COBLL1: variants seen among roughly 807,000 people sequenced by gnomAD.
COBLL1 encodes the protein cordon-bleu WH2 repeat protein like 1, also known as cordon-bleu protein-like 1.
COBLL1 carries 50 observed loss-of-function variants against 94.8 expected under a neutral mutation model. The ratio of observed to expected loss-of-function variants is 0.53; its 90% CI spans 0.42 to 0.67. The LOEUF is 0.67. Ranked by LOEUF, COBLL1 falls within the 30% of genes least tolerant of loss-of-function variation. The pLI, the probability that COBLL1 is intolerant of heterozygous loss-of-function variation, is 0.00. For synonymous variants in COBLL1, 448 were observed against 473.8 expected, an observed-to-expected ratio of 0.95 and a Z score of 0.71; for missense variants, 1,362 against 1,348.7, an observed-to-expected ratio of 1.01 and a Z score of -0.15.
chr2:164,796,705 C>CAAAAA (rs34412964), intron 2 of COBLL1, among the ~76,000 whole-genome samples: 8 of 86,670 alleles, frequency 9.2e-5, no homozygotes, highest in African/African-American at 2.9e-4. Flanking sequence ...GCTGGCCTTC[C>CAAAAA]AAAAAAAAAA....
chr2:164,754,864 C>T (rs1040196582), intron 2 of COBLL1, among the ~76,000 whole-genome samples: 1 of 152,140 alleles, frequency 6.6e-6, no homozygotes. Context: ...TGAAGTAGAG[C>T]AAATCCAAAG....
chr2:164,696,143 A>C, intron 11 of COBLL1: 1 of 225,714 alleles, frequency 4.4e-6, no homozygotes. Context: ...TATCATTTAG[A>C]TAGCATGCTC....
intron 2 of COBLL1, among the ~76,000 whole-genome samples, chr2:164,832,915 TG>T (rs1367483327): frequency 6.6e-6 from 1 of 152,048 alleles, no homozygotes; most frequent in Non-Finnish European, 1.5e-5. Flanking sequence ...TGGTGGCGCA[TG>T]CCTGTAATCC....
chr2:164,823,052 T>G (rs1425387631), intron 2 of COBLL1, among the ~76,000 whole-genome samples: 1 of 152,048 alleles, frequency 6.6e-6, no homozygotes, highest in African/African-American at 2.4e-5. Context: ...AAAAAAAAAG[T>G]ATTTGAAATT....
chr2:164,697,163 GCA>G (rs941645672), intron 11 of COBLL1: 13 of 152,062 alleles, frequency 8.5e-5, no homozygotes, highest in Non-Finnish European at 1.8e-4. Flanking sequence ...CTGCCTGATT[GCA>G]CAGTTATTTG....
In COBLL1 at chr2:164,695,101, A is replaced by G. The variant is rs374902324; in HGVS notation, c.2291T>C (p.Leu764Ser). 1.3e-5 allele frequency: 21 copies of G among 1,613,684 alleles called. No individual in the cohort carries two copies. The highest frequency in any genetic ancestry group is 1.6e-4 in the Middle Eastern group (1 of 6,080). The change falls in exon 12 of 14, where the codon TTA (leucine) becomes TCA (serine). Residue 764 changes from leucine to serine, a missense_variant. Transcript: ENST00000652658. ...EYKDDQDMHA[L>S]GKKHTHENVK... ...ATTCTCATGAGTGTGCTTTTTCCCT[A>G]AAGCATGCATGTCCTGATCATCTTT... is the stretch of plus-strand genomic sequence containing the variant.
At chr2:164,727,245 A>C in intron 5 of COBLL1, 1 of 551,724 alleles carries the variant, frequency 1.8e-6, no homozygotes, top group Admixed American at 3.4e-5. Flanking sequence ...TATGGATTAC[A>C]TAAAGCCACC....
chr2:164,820,490 G>A (rs1255700302), intron 2 of COBLL1, among the ~76,000 whole-genome samples: 1 of 152,106 alleles, frequency 6.6e-6, no homozygotes, highest in East Asian at 1.9e-4. Flanking sequence ...CAAAGTGCTG[G>A]GATTACAGGC....
chr2:164,821,104 G>A (rs1266765278), intron 2 of COBLL1, among the ~76,000 whole-genome samples: 1 of 151,866 alleles, frequency 6.6e-6, no homozygotes, highest in East Asian at 1.9e-4. Context: ...GGCCAGGATG[G>A]TCTCAATCTC....
chr2:164,736,877 A>G (rs907996960), intron 3 of COBLL1, among the ~76,000 whole-genome samples: 2 of 152,250 alleles, frequency 1.3e-5, no homozygotes, highest in African/African-American at 4.8e-5. Context: ...AAAAGGCTAG[A>G]CACTGCAATG....
chr2:164,812,696 T>G (rs1366185030), intron 2 of COBLL1, among the ~76,000 whole-genome samples: 1 of 152,032 alleles, frequency 6.6e-6, no homozygotes, highest in Admixed American at 6.6e-5. Flanking sequence ...ATAAAATACA[T>G]GCTAAGCCCT....
chr2:164,715,620 T>C (rs1470033179), intron 7 of COBLL1, among the ~76,000 whole-genome samples: 5 of 152,212 alleles, frequency 3.3e-5, no homozygotes, highest in South Asian at 2.1e-4. Context: ...TAAACCATGA[T>C]ATATATTAGA....
intron 2 of COBLL1, chr2:164,772,099 T>G (rs1688233940): frequency 6.6e-6 from 1 of 151,994 alleles, no homozygotes; most frequent in Admixed American, 6.6e-5. Context: ...TCTAACCTCA[T>G]GCCCTACATG....
chr2:164,804,249 A>G (rs1683973972), intron 2 of COBLL1, among the ~76,000 whole-genome samples: 1 of 152,142 alleles, frequency 6.6e-6, no homozygotes, highest in East Asian at 1.9e-4. Flanking sequence ...CAGCTGGGAA[A>G]CTGCTGGAGT....
chr2:164,660,435 G>A (rs1413282714), intron 2 of COBLL1, among the ~76,000 whole-genome samples: 2 of 152,148 alleles, frequency 1.3e-5, no homozygotes, highest in Non-Finnish European at 2.9e-5. Context: ...CCTGATTCAG[G>A]AGGGCCACGA....
At chr2:164,801,662 A>G (rs1683813158) in intron 2 of COBLL1, among the ~76,000 whole-genome samples, 1 of 152,104 alleles carries the variant, frequency 6.6e-6, no homozygotes, top group Non-Finnish European at 1.5e-5. Context: ...TACACCCAAC[A>G]AAAGTCAATT....
intron 3 of COBLL1, among the ~76,000 whole-genome samples, chr2:164,738,755 C>T (rs909824699): frequency 3.3e-5 from 5 of 152,142 alleles, no homozygotes; most frequent in Middle Eastern, 3.4e-3. Flanking sequence ...TTGCATTACA[C>T]GAGTTGAGCA....
In COBLL1 at chr2:164,695,425, T is replaced by A. The variant is rs1683884720; in HGVS notation, c.1967A>T (p.Glu656Val). The A allele has an allele frequency of 3.1e-6, 5 of 1,613,884 alleles. No homozygotes were observed. In the East Asian group the frequency reaches 1.1e-4, roughly 36 times the overall value. The stretch of plus-strand genomic sequence containing the variant: ...AATTAGGGTGCCTTGACTCCTGAAT[T>A]CCCTTGAGGTATTTACAGAATCTTG... Reference protein sequence around the residue: ...SSQDSVNTSREFRSQGTLIIH... With the variant: ...SSQDSVNTSRVFRSQGTLIIH... The change falls in exon 12 of 14, where the codon GAA (glutamate) becomes GTA (valine). Residue 656 changes from glutamate to valine, a missense_variant. Transcript: ENST00000652658.
At chr2:164,841,905 C>CGGGCGCTGGCT (rs1281705788), upstream of COBLL1, 6 of 1,391,666 alleles carry the variant, frequency 4.3e-6, no homozygotes, top group African/African-American at 2.9e-5. The surrounding 1 kb of genome is among the most constrained non-coding windows in gnomAD (Gnocchi z 5.5). Context: ...GGGCGGGGTG[C>CGGGCGCTGGCT]GGGCGCTGGC....
Sources: allele counts gnomAD v4.1 joint callset (sites outside exome capture counted in the v4.1 genomes callset), GRCh38; gene constraint gnomAD v4.1.1; non-coding constraint Gnocchi (gnomAD v3.1); transcripts MANE v1.5; gene names NCBI Gene and HGNC (gene_info 2026-07-23, HGNC 2026-07-21).